GLG1: variants seen among roughly 807,000 people sequenced by gnomAD.
GLG1 encodes golgi glycoprotein 1, also known as Golgi apparatus protein 1.
GLG1 carries 38 observed loss-of-function variants against 160.5 expected under a neutral mutation model. The observed-to-expected ratio is 0.24, with a 90% confidence interval of 0.18 to 0.31. The LOEUF (loss-of-function observed/expected upper bound fraction) is 0.31, where lower values mean the gene tolerates loss of function less well. Ranked by LOEUF, GLG1 falls within the 10% of genes least tolerant of loss-of-function variation. The pLI is 1.00. For missense variants in GLG1, 1,373 were observed against 1,505.2 expected (o/e 0.91, Z 1.45); for synonymous variants, 644 against 543.4 (o/e 1.19, Z -2.57).
At chr16:74,599,939 C>A (rs1376104323) in intron 1 of GLG1, among the ~76,000 whole-genome samples, 1 of 151,652 alleles carries the variant, frequency 6.6e-6, no homozygotes, top group Non-Finnish European at 1.5e-5. Context: ...GAGGTGGAGC[C>A]AGGAGAATCG....
At chr16:74,471,839 C>T (rs1365925221) in intron 14 of GLG1, among the ~76,000 whole-genome samples, 1 of 152,176 alleles carries the variant, frequency 6.6e-6, no homozygotes, top group Non-Finnish European at 1.5e-5. Context: ...TGGCCACATA[C>T]CTGTTTTTAC....
intron 1 of GLG1, among the ~76,000 whole-genome samples, chr16:74,563,617 T>G (rs1164244735): frequency 6.6e-6 from 1 of 151,340 alleles, no homozygotes; most frequent in Admixed American, 6.6e-5. Context: ...GTCCCAGCTA[T>G]TTGCGAGGCT....
chr16:74,561,616 C>T (rs1357224428), intron 1 of GLG1, among the ~76,000 whole-genome samples: 1 of 152,186 alleles, frequency 6.6e-6, no homozygotes, highest in Non-Finnish European at 1.5e-5. Context: ...TCAGCCAGTA[C>T]TAAAACTGTT....
At chr16:74,453,649 G>T (rs952083140) in intron 25 of GLG1, among the ~76,000 whole-genome samples, 1 of 152,130 alleles carries the variant, frequency 6.6e-6, no homozygotes, top group East Asian at 1.9e-4. Context: ...GGCTCCCCCT[G>T]CCCTCACTCA....
At chr16:74,598,407 G>C (rs1052631460) in intron 1 of GLG1, among the ~76,000 whole-genome samples, 1 of 151,270 alleles carries the variant, frequency 6.6e-6, no homozygotes, top group Non-Finnish European at 1.5e-5. Flanking sequence ...TGTAGTCCCA[G>C]CTACTCGGGA....
chr16:74,585,987 C>T (rs567663029), intron 1 of GLG1, among the ~76,000 whole-genome samples: 21 of 147,848 alleles, frequency 1.4e-4, no homozygotes, highest in African/African-American at 5.3e-4. Flanking sequence ...TGCTTGAACT[C>T]GGGAGGCAAA....
chr16:74,477,538 A>G lies in GLG1; in HGVS notation c.1828-5T>C, dbSNP rs1034909282. On this transcript the variant is annotated splice_region_variant and splice_polypyrimidine_tract_variant and intron_variant, in intron 11 of 25. Coordinates refer to ENST00000422840, the MANE Select transcript of GLG1 (RefSeq NM_001145667.2). ...AGCTCGGCACTCCCGTGAGAGCTGC[A>G]TGAGAAAAAATGAGCTAAATACTTG... 16 of 1,608,474 alleles carry G rather than the reference A, an allele frequency of 9.9e-6. No individual in the cohort carries two copies. The highest frequency in any genetic ancestry group is 1.7e-5 in the Admixed American group (1 of 59,132).
intron 2 of GLG1, among the ~76,000 whole-genome samples, chr16:74,528,741 G>T (rs1226208038): frequency 1.4e-5 from 2 of 143,120 alleles, no homozygotes; most frequent in African/African-American, 5.2e-5. Flanking sequence ...CAACCCCAGA[G>T]GCGGAAGTTT....
intron 1 of GLG1, among the ~76,000 whole-genome samples, chr16:74,563,875 C>T (rs2018576644): frequency 6.6e-6 from 1 of 152,162 alleles, no homozygotes; most frequent in East Asian, 1.9e-4. Flanking sequence ...CAGAATTGCT[C>T]AAGGTTGCCT....
chr16:74,496,719 C>CACACAT (rs2016202596), intron 4 of GLG1, 75 bp from the exon 5 acceptor site: 1 of 683,632 alleles, frequency 1.5e-6, no homozygotes, highest in Non-Finnish European at 2.6e-6. Flanking sequence ...TGGCTACACA[C>CACACAT]ACACACACAC....
chr16:74,471,178 G>T lies in GLG1; in HGVS notation c.2224C>A (p.Gln742Lys), dbSNP rs763593485. 6.4e-7 allele frequency: 1 copy of T among 1,572,578 alleles called. No individual in the cohort carries two copies. Reference protein sequence around the residue: ...EKCAIGVTHFQLVQMKDFRFS... With the variant: ...EKCAIGVTHFKLVQMKDFRFS... ...GGCAGCCAGGTGTCACTGACCAGCT[G>T]GAAGTGGGTAACTCCGATGGCACAC... Residue 742 changes from glutamine (Q) to lysine (K), a missense_variant, in exon 15 of 26, where the codon CAG becomes AAG. Gln to Lys is a moderately conservative substitution (Grantham distance 53, BLOSUM62 1). Transcript: ENST00000422840.
chr16:74,457,353 T>C (rs2014594895), intron 24 of GLG1, among the ~76,000 whole-genome samples: 1 of 152,166 alleles, frequency 6.6e-6, no homozygotes, highest in Admixed American at 6.5e-5. Flanking sequence ...GCTGAGATCA[T>C]GCCACCACAC....
intron 8 of GLG1, among the ~76,000 whole-genome samples, chr16:74,490,047 C>A (rs1410754724): frequency 6.6e-6 from 1 of 152,118 alleles, no homozygotes; most frequent in Non-Finnish European, 1.5e-5. Context: ...GGGAGGAGAG[C>A]CTCAAGTTTC....
chr16:74,513,228 G>T (rs1026703991), intron 2 of GLG1, among the ~76,000 whole-genome samples: 7 of 152,094 alleles, frequency 4.6e-5, no homozygotes, highest in Non-Finnish European at 8.8e-5. Flanking sequence ...AGACCAAGAG[G>T]CAAGAACTTA....
intron 3 of GLG1, among the ~76,000 whole-genome samples, chr16:74,504,516 G>A (rs2143463192): frequency 6.6e-6 from 1 of 152,202 alleles, no homozygotes; most frequent in Non-Finnish European, 1.5e-5. Flanking sequence ...TCGAACTCCT[G>A]ACCCCACGTG....
At chr16:74,571,660 GA>G (rs995480043) in intron 1 of GLG1, among the ~76,000 whole-genome samples, 56 of 16,970 alleles carry the variant, frequency 3.3e-3, no homozygotes, top group African/African-American at 5.6e-3. Context: ...TCTCAAAAAG[GA>G]AAAAAAAAAA....
At position 74,452,529 on chromosome 16, in the gene GLG1, A is replaced by T. The variant is rs1458609258; in HGVS notation, c.*638T>A. 9.9e-7 allele frequency: 1 copy of T among 1,014,726 alleles called. No individual in the cohort carries two copies. The highest frequency in any genetic ancestry group is 1.7e-5 in the African/African-American group (1 of 58,692). 62.9% of individuals were successfully genotyped at this position (1,014,726 alleles called of 1,614,324 possible). ...GACCAGCAGTGGCTGATTAGGGTGG[A>T]AACTGGAAAGCGTCACTGTCTCAGC... On this transcript the variant is annotated 3_prime_UTR_variant, in exon 26 of 26. Coordinates refer to ENST00000422840, the MANE Select transcript of GLG1 (RefSeq NM_001145667.2).
chr16:74,527,134 G>A (rs1597310394), intron 2 of GLG1, among the ~76,000 whole-genome samples: 1 of 151,282 alleles, frequency 6.6e-6, no homozygotes, highest in Non-Finnish European at 1.5e-5. Flanking sequence ...ATATTCCAAA[G>A]TAAAATTATA....
At position 74,535,967 on chromosome 16, in the gene GLG1, G is replaced by T. The variant is rs565527987; in HGVS notation, c.439-3814C>A. Among the ~76,000 whole-genome samples, 21 of 152,100 alleles carry T rather than the reference G, an allele frequency of 1.4e-4. No homozygotes were observed. The East Asian group carries it at 4.1e-3, about 29-fold the overall frequency. The stretch of plus-strand genomic sequence containing the variant: ...GAGAGAACGAAATATAAAATACAAA[G>T]GAGTATTTTATACTACCCGGGGAAT... On this transcript the variant is annotated intron_variant, in intron 1 of 25. Transcript: ENST00000422840.
Sources: allele counts gnomAD v4.1 joint callset (sites outside exome capture counted in the v4.1 genomes callset), GRCh38; gene constraint gnomAD v4.1.1; transcripts MANE v1.5; gene names NCBI Gene and HGNC (gene_info 2026-07-23, HGNC 2026-07-21).